The following FREM2 variants were observed in gnomAD, a reference collection of about 807,000 sequenced individuals.
FREM2 encodes FRAS1-related extracellular matrix protein 2.
A neutral mutation model predicts 219.9 loss-of-function variants in FREM2; 119 were observed. The ratio of observed to expected loss-of-function variants is 0.54; its 90% CI spans 0.47 to 0.63. The LOEUF is 0.63. Ranked by LOEUF, FREM2 falls within the 30% of genes least tolerant of loss-of-function variation. FREM2 has a pLI of 0.00. For synonymous variants in FREM2, 1,562 were observed against 1,522.8 expected (o/e 1.03, Z -0.60); for missense variants, 4,030 against 3,993.6 (o/e 1.01, Z -0.25).
chr13:38,721,723 G>T (rs1402499885), intron 2 of FREM2, among the ~76,000 whole-genome samples: 1 of 152,128 alleles, frequency 6.6e-6, no homozygotes. Context: ...AATGAAATTT[G>T]CCAAATTTCT....
At chr13:38,764,501 G>A in intron 3 of FREM2, 51 bp downstream of exon 3, 5 of 1,132,192 alleles carry the variant, frequency 4.4e-6, no homozygotes, top group East Asian at 2.6e-5. Context: ...TCTAGCAAAG[G>A]TTTATAATTC....
rs138787996 is a variant in FREM2 at position 38,874,866 on chromosome 13, A to G, written c.8281+280A>G. Among the ~76,000 whole-genome samples, 582 of 152,346 alleles carry G rather than the reference A, an allele frequency of 3.8e-3. 3 individuals carry two copies. Among genetic ancestry groups the G allele is most frequent in the Non-Finnish European group, 6.8e-3 (460 of 68,030 alleles). On this transcript the variant is annotated intron_variant, in intron 18 of 23. Transcript: ENST00000280481. Reference sequence around the variant, plus strand: ...TCATTTTAAGTAAAGTTTTCCTTAAAGAGCATAGGAATAATCATTTCTTTC... The same window carrying G: ...TCATTTTAAGTAAAGTTTTCCTTAAGGAGCATAGGAATAATCATTTCTTTC...
intron 6 of FREM2, among the ~76,000 whole-genome samples, chr13:38,812,916 C>CAA (rs370609021): frequency 8.0e-5 from 11 of 137,806 alleles, no homozygotes; most frequent in African/African-American, 2.4e-4. Context: ...GAAAAACAAG[C>CAA]AAAAAAAAAA....
intron 4 of FREM2, among the ~76,000 whole-genome samples, chr13:38,778,401 A>G (rs770090536): frequency 2.6e-5 from 4 of 152,126 alleles, no homozygotes; most frequent in Non-Finnish European, 5.9e-5. Context: ...GTGCATGCTC[A>G]TGGAGAGAAA....
intron 6 of FREM2, among the ~76,000 whole-genome samples, chr13:38,820,841 C>CAGGG (rs897132508): frequency 1.3e-5 from 2 of 152,128 alleles, no homozygotes; most frequent in Admixed American, 6.6e-5. Flanking sequence ...CATGGACTTG[C>CAGGG]AGGGCTATGA....
chr13:38,779,797 T>A (rs1293282886), intron 4 of FREM2, among the ~76,000 whole-genome samples: 2 of 152,214 alleles, frequency 1.3e-5, no homozygotes, highest in African/African-American at 4.8e-5. Context: ...CTAAATCTGA[T>A]GATCACCTCT....
intron 4 of FREM2, among the ~76,000 whole-genome samples, chr13:38,771,553 G>T (rs965018149): frequency 6.6e-6 from 1 of 151,908 alleles, no homozygotes; most frequent in Non-Finnish European, 1.5e-5. Context: ...AAACACATAC[G>T]CACACCCCAC....
chr13:38,780,708 T>A (rs1874086082), intron 4 of FREM2, among the ~76,000 whole-genome samples: 1 of 152,186 alleles, frequency 6.6e-6, no homozygotes, highest in Non-Finnish European at 1.5e-5. Context: ...TTTTTGGCAA[T>A]CAGCCTCCAG....
At chr13:38,749,015 C>T (rs922492507) in intron 2 of FREM2, among the ~76,000 whole-genome samples, 2 of 152,088 alleles carry the variant, frequency 1.3e-5, no homozygotes, top group Admixed American at 6.6e-5. Context: ...GTCTGGATAA[C>T]TTGTGTTCAG....
chr13:38,761,379 GT>G (rs1223683098), intron 2 of FREM2, among the ~76,000 whole-genome samples: 1 of 152,104 alleles, frequency 6.6e-6, no homozygotes, highest in Non-Finnish European at 1.5e-5. Context: ...CTGATAATTT[GT>G]TTTGAAATCA....
At chr13:38,836,102 T>C (rs144455061) in intron 6 of FREM2, among the ~76,000 whole-genome samples, 4,986 of 152,306 alleles carry the variant, frequency 0.033, 127 homozygotes, top group Middle Eastern at 0.075. Context: ...TCTTATTATT[T>C]TGAGATATGT....
intron 16 of FREM2, among the ~76,000 whole-genome samples, chr13:38,871,170 TAAG>T (rs1878144196): frequency 1.3e-5 from 2 of 152,182 alleles, no homozygotes; most frequent in Non-Finnish European, 2.9e-5. Flanking sequence ...ACTATACAGC[TAAG>T]AATGAAATAA....
At chr13:38,849,711 A>G (rs913341496) in intron 8 of FREM2, among the ~76,000 whole-genome samples, 1 of 152,204 alleles carries the variant, frequency 6.6e-6, no homozygotes, top group Non-Finnish European at 1.5e-5. Flanking sequence ...CACAATATTC[A>G]GTGTTCTTCA....
At chr13:38,873,048 A>AT (rs757744601) in intron 17 of FREM2, 114 bp downstream of exon 17, 37 of 815,212 alleles carry the variant, frequency 4.5e-5, no homozygotes, top group East Asian at 3.7e-4. Context: ...GTATATTTTC[A>AT]TTTTCTATCT....
Position 38,689,152 on chromosome 13 carries a change from C to T in FREM2, c.1808C>T (p.Pro603Leu), listed in dbSNP as rs1869664971. 1.2e-6 allele frequency: 2 copies of T among 1,613,762 alleles called. No homozygotes were observed. The highest frequency in any genetic ancestry group is 1.3e-5 in the African/African-American group (1 of 74,902). The change falls in exon 1 of 24, where the codon CCC becomes CTC. Residue 603 changes from proline to leucine, a missense_variant. Around this residue, in one of 2 missense-constraint regions of FREM2, gnomAD observed 3,102 missense variants for 2,950.7 expected, o/e 1.05. Transcript: ENST00000280481. ...CTGCTGCTTTTTGTGCTGGAGTCAC[C>T]CTTCTTAACTACGGGGCATCTGCTT... is the stretch of plus-strand genomic sequence containing the variant. The part of the protein sequence containing the change: ...DSLLLFVLES[P>L]FLTTGHLLLR...
intron 2 of FREM2, among the ~76,000 whole-genome samples, chr13:38,721,508 A>G (rs1871254320): frequency 6.6e-6 from 1 of 152,174 alleles, no homozygotes; most frequent in Admixed American, 6.5e-5. Context: ...TTACAACAGT[A>G]GCAAGCTGAC....
At chr13:38,827,212 C>T (rs531413818) in intron 6 of FREM2, among the ~76,000 whole-genome samples, 1 of 152,022 alleles carries the variant, frequency 6.6e-6, no homozygotes, top group South Asian at 2.1e-4. Flanking sequence ...AGTTATTTAA[C>T]CTCTCTGAGT....
chr13:38,778,781 C>A (rs935284340), intron 4 of FREM2, among the ~76,000 whole-genome samples: 1 of 151,714 alleles, frequency 6.6e-6, no homozygotes, highest in Non-Finnish European at 1.5e-5. Flanking sequence ...TGTACTTGTA[C>A]CCTGAACTTA....
chr13:38,785,806 C>T (rs1437759930), intron 6 of FREM2, among the ~76,000 whole-genome samples: 1 of 152,064 alleles, frequency 6.6e-6, no homozygotes, highest in Non-Finnish European at 1.5e-5. Context: ...TTTGAATTGT[C>T]TATATACAAA....
Sources: allele counts gnomAD v4.1 joint callset (sites outside exome capture counted in the v4.1 genomes callset), GRCh38; gene constraint gnomAD v4.1.1; regional missense constraint gnomAD v4.1.1; transcripts MANE v1.5; gene names NCBI Gene and HGNC (gene_info 2026-07-23, HGNC 2026-07-21).